Variants in MKLN1 observed in about 807,000 individuals in gnomAD.
The protein encoded by MKLN1 is muskelin 1, also known as muskelin.
A neutral mutation model predicts 99.0 loss-of-function variants in MKLN1; 18 were observed. That is an observed-to-expected ratio of 0.18 (90% CI 0.13 to 0.27). The LOEUF is 0.27. Ranked by LOEUF, MKLN1 falls within the 10% of genes least tolerant of loss-of-function variation. The pLI is 1.00. For synonymous variants in MKLN1, 288 were observed against 293.2 expected, an observed-to-expected ratio of 0.98 and a Z score of 0.18; for missense variants, 621 against 875.9, an observed-to-expected ratio of 0.71 and a Z score of 3.67.
In MKLN1 at chr7:131,491,087, CATTT is replaced by C. The variant is rs1475759330; in HGVS notation, c.*3364_*3367del. On this transcript the variant is annotated 3_prime_UTR_variant, in exon 18 of 18. Transcript: ENST00000352689. ...TGGAATTCACTGGGTAATTGTGGGTCATTTATTTCCTGAAAGTCACGTGAAATCC... is the reference window on the plus strand; with the variant it reads ...TGGAATTCACTGGGTAATTGTGGGTCATTTCCTGAAAGTCACGTGAAATCC... 1 of 152,058 alleles carries C rather than the reference CATTT, an allele frequency of 6.6e-6. No homozygotes were observed. Among genetic ancestry groups the C allele is most frequent in the Non-Finnish European group, 1.5e-5 (1 of 67,994 alleles). The allele number at this position is 152,058 out of a possible 1,614,324, so 9.4% of individuals were successfully genotyped here. A position where few individuals can be genotyped will look rare whatever the true frequency, so the allele number is the denominator to read the frequency against.
At chr7:131,465,905 C>T (rs1164597652) in intron 14 of MKLN1, among the ~76,000 whole-genome samples, 1 of 152,068 alleles carries the variant, frequency 6.6e-6, no homozygotes, top group Non-Finnish European at 1.5e-5. Context: ...GCATTTATGT[C>T]AGAATTTTTA....
Position 131,470,918 on chromosome 7 carries a change from C to G in MKLN1, c.2005C>G (p.His669Asp). 6.2e-7 allele frequency: 1 copy of G among 1,610,668 alleles called. No homozygotes were observed. Among genetic ancestry groups the G allele is most frequent in the Non-Finnish European group, 8.5e-7 (1 of 1,177,484 alleles). The change falls in exon 16 of 18, where the codon CAT becomes GAT. Residue 669 changes from histidine (H) to aspartate (D), a missense_variant. Transcript: ENST00000352689. ...LQNDLYITVDHSDPEETKEFQ... is the reference protein window; with the variant it reads ...LQNDLYITVDDSDPEETKEFQ... ...AAATGATCTTTATATAACTGTGGAT[C>G]ATTCAGACCCAGAAGAGACAAAAGA...
chr7:131,225,015 A>G (rs966779618), intron 3 of MKLN1, among the ~76,000 whole-genome samples: 9 of 151,676 alleles, frequency 5.9e-5, no homozygotes, highest in South Asian at 2.1e-4. Context: ...GGAGCTTGCA[A>G]TGAGCCAAGA....
At chr7:131,398,725 TC>T (rs765256570) in intron 5 of MKLN1, among the ~76,000 whole-genome samples, 45 of 151,978 alleles carry the variant, frequency 3.0e-4, no homozygotes, top group Non-Finnish European at 6.0e-4. Context: ...ATTAAATGTC[TC>T]TTTTTGATGA....
rs58800874 is a variant in MKLN1 at position 131,202,146 on chromosome 7, C to CTTTTTTTTTTTTTTTTTTTTTTTTTT, written c.-296-704_-296-679dup. Among the ~76,000 whole-genome samples the CTTTTTTTTTTTTTTTTTTTTTTTTTT allele has an allele frequency of 8.3e-5, 5 of 60,274 alleles. 1 individual carries two copies. Among genetic ancestry groups the CTTTTTTTTTTTTTTTTTTTTTTTTTT allele is most frequent in the Non-Finnish European group, 1.6e-4 (5 of 31,390 alleles). The allele number at this position is 60,274 out of a possible 152,430, so 39.5% of individuals were successfully genotyped here. A position where few individuals can be genotyped will look rare whatever the true frequency, so the allele number is the denominator to read the frequency against. On this transcript the variant is annotated intron_variant, in intron 2 of 7. Transcript: ENST00000416992. ...GGTTTCTCCACTTTGGCACTATTGACTTTTTTTTTTTTTTTTTTTTTTTTT... is the reference window on the plus strand; with the variant it reads ...GGTTTCTCCACTTTGGCACTATTGACTTTTTTTTTTTTTTTTTTTTTTTTTTTTTTTTTTTTTTTTTTTTTTTTTTT...
rs60459266 is a variant in MKLN1 at position 131,444,763 on chromosome 7, A to AAGTAGTAGT, written c.1396-960_1396-952dup. ...GTAGTAGTAGTAGTAGTAGTAGAAG[A>AAGTAGTAGT]AGTAGTAGTAGTAGTAGTAGTAGTA... On this transcript the variant is annotated intron_variant, in intron 11 of 17. Coordinates refer to ENST00000352689, the MANE Select transcript of MKLN1 (RefSeq NM_013255.5). Among the ~76,000 whole-genome samples the AAGTAGTAGT allele has an allele frequency of 5.1e-5, 6 of 117,966 alleles. 1 individual carries two copies. Among genetic ancestry groups the AAGTAGTAGT allele is most frequent in the South Asian group, 6.0e-4 (2 of 3,340 alleles). 77.4% of individuals were successfully genotyped at this position (117,966 alleles called of 152,430 possible). A position where few individuals can be genotyped will look rare whatever the true frequency, so the allele number is the denominator to read the frequency against.
intron 3 of MKLN1, among the ~76,000 whole-genome samples, chr7:131,297,903 G>C (rs1798317307): frequency 6.6e-6 from 1 of 152,196 alleles, no homozygotes; most frequent in Non-Finnish European, 1.5e-5. Context: ...AGCCCAGCAA[G>C]GGAAAAATAA....
intron 3 of MKLN1, among the ~76,000 whole-genome samples, chr7:131,263,575 C>CTT (rs71174935): frequency 0.022 from 3,151 of 142,588 alleles, 56 homozygotes; most frequent in Middle Eastern, 0.036. Context: ...GATGATTGCA[C>CTT]TTTTTTTTTT....
intron 12 of MKLN1, among the ~76,000 whole-genome samples, chr7:131,459,151 T>C (rs1796435205): frequency 6.6e-6 from 1 of 152,168 alleles, no homozygotes; most frequent in Non-Finnish European, 1.5e-5. Flanking sequence ...TAGACTGAGG[T>C]GGGGAAACCC....
At chr7:131,210,576 A>T (rs951253949) in intron 3 of MKLN1, among the ~76,000 whole-genome samples, 6 of 144,220 alleles carry the variant, frequency 4.2e-5, no homozygotes, top group African/African-American at 1.6e-4. Context: ...GGTGGTGCAC[A>T]CCTGTAGTCC....
chr7:131,292,800 G>A (rs1472600739), intron 3 of MKLN1, among the ~76,000 whole-genome samples: 1 of 152,110 alleles, frequency 6.6e-6, no homozygotes, highest in African/African-American at 2.4e-5. Context: ...GAAACTAATG[G>A]GGAACAGGAC....
At chr7:131,330,339 C>A (rs917594663) in intron 1 of MKLN1, among the ~76,000 whole-genome samples, 2 of 152,146 alleles carry the variant, frequency 1.3e-5, no homozygotes, top group South Asian at 2.1e-4. Context: ...TGGCATAGAT[C>A]TAAGCATTTC....
intron 3 of MKLN1, among the ~76,000 whole-genome samples, chr7:131,319,296 C>T (rs1798726593): frequency 6.6e-6 from 1 of 152,178 alleles, no homozygotes; most frequent in Non-Finnish European, 1.5e-5. Context: ...TCAACATATG[C>T]AAATCAACAA....
chr7:131,286,101 T>A (rs1798128028), intron 3 of MKLN1, among the ~76,000 whole-genome samples: 1 of 151,992 alleles, frequency 6.6e-6, no homozygotes, highest in Non-Finnish European at 1.5e-5. Flanking sequence ...CAGGCATGCG[T>A]TATCACGCCG....
chr7:131,305,902 G>T (rs1258692721), intron 3 of MKLN1, among the ~76,000 whole-genome samples: 1 of 152,166 alleles, frequency 6.6e-6, no homozygotes, highest in African/African-American at 2.4e-5. Context: ...AAAGGCATTG[G>T]AGAGTGATAT....
chr7:131,189,431 C>G (rs1796501251), intron 2 of MKLN1, among the ~76,000 whole-genome samples: 1 of 151,948 alleles, frequency 6.6e-6, no homozygotes, highest in African/African-American at 2.4e-5. Flanking sequence ...ATTTCTTTTC[C>G]TGGTATGATA....
At chr7:131,202,796 G>A (rs193134642) in intron 2 of MKLN1, 1 of 152,260 alleles carries the variant, frequency 6.6e-6, no homozygotes, top group East Asian at 1.9e-4. Flanking sequence ...TAAAGATCTT[G>A]AAGGCAGAGA....
At chr7:131,187,231 T>C (rs1211466495) in intron 2 of MKLN1, among the ~76,000 whole-genome samples, 1 of 152,168 alleles carries the variant, frequency 6.6e-6, no homozygotes, top group Non-Finnish European at 1.5e-5. Context: ...TTCAGTGTCA[T>C]ACTTGCTCTG....
intron 1 of MKLN1, among the ~76,000 whole-genome samples, chr7:131,340,867 T>C (rs963760240): frequency 6.6e-6 from 1 of 152,340 alleles, no homozygotes; most frequent in African/African-American, 2.4e-5. Flanking sequence ...CAGCAAAATC[T>C]GAGAGTGTCT....
Sources: gnomAD v4.1 joint callset for allele counts (sites outside exome capture counted in the v4.1 genomes callset) on GRCh38, gnomAD v4.1.1 for gene constraint, MANE v1.5 for transcripts, NCBI Gene and HGNC (gene_info 2026-07-23, HGNC 2026-07-21) for gene names.